TXNDC16: variants seen among roughly 807,000 people sequenced by gnomAD.
The protein encoded by TXNDC16 is thioredoxin domain containing 16.
Under a neutral mutation model 85.6 loss-of-function variants are expected in TXNDC16, and 74 were observed. The observed-to-expected ratio is 0.86, with a 90% CI of 0.72 to 1.05. TXNDC16 has a LOEUF of 1.05. Ranked by LOEUF, TXNDC16 falls within the 50% of genes least tolerant of loss-of-function variation. TXNDC16 has a pLI of 0.00. For synonymous variants in TXNDC16, 335 were observed against 326.5 expected (o/e 1.03, Z -0.28); for missense variants, 959 against 947.0 (o/e 1.01, Z -0.17).
intron 9 of TXNDC16, among the ~76,000 whole-genome samples, chr14:52,491,773 C>A (rs553100982): frequency 2.0e-5 from 3 of 152,072 alleles, no homozygotes; most frequent in African/African-American, 7.2e-5. Context: ...CCCTCCAGAA[C>A]TCCCAGGAAA....
intron 6 of TXNDC16, among the ~76,000 whole-genome samples, chr14:52,530,615 ATG>A (rs201877909): frequency 0.057 from 3,007 of 52,960 alleles, 141 homozygotes; most frequent in East Asian, 0.13. Flanking sequence ...TAGTATATAT[ATG>A]TGTGTGTATA....
chr14:52,434,897 C>T (rs934561797), intron 20 of TXNDC16, among the ~76,000 whole-genome samples: 1 of 152,172 alleles, frequency 6.6e-6, no homozygotes, highest in East Asian at 1.9e-4. Flanking sequence ...AAAGAATGAG[C>T]TGGCAAAGAT....
Position 52,529,827 on chromosome 14 carries a change from ATTAT to A in TXNDC16, c.392+6888_392+6891del, listed in dbSNP as rs2037448341. Among the ~76,000 whole-genome samples the A allele has an allele frequency of 7.1e-5, 8 of 112,398 alleles. No individual in the cohort carries two copies. In the South Asian group the frequency reaches 2.0e-3, roughly 28 times the overall value. The allele number at this position is 112,398 out of a possible 152,430, so 73.7% of individuals were successfully genotyped here. On this transcript the variant is annotated intron_variant, in intron 6 of 20. Transcript: ENST00000281741. ...ATATGACACCTATTATATATTATGT[ATTAT>A]TACTATATATAATAAATACCTATTA...
At chr14:52,484,639 G>T (rs1442747990) in intron 12 of TXNDC16, among the ~76,000 whole-genome samples, 5 of 152,148 alleles carry the variant, frequency 3.3e-5, no homozygotes, top group Non-Finnish European at 5.9e-5. Flanking sequence ...CAGCACTTTG[G>T]GGGGCCGAGG....
intron 6 of TXNDC16, among the ~76,000 whole-genome samples, chr14:52,524,294 A>T (rs1185443215): frequency 6.6e-6 from 1 of 152,246 alleles, no homozygotes; most frequent in Non-Finnish European, 1.5e-5. Flanking sequence ...AGTTAAAAAT[A>T]ATTCTTCTAA....
intron 6 of TXNDC16, among the ~76,000 whole-genome samples, chr14:52,532,439 A>G (rs1487680028): frequency 6.6e-6 from 1 of 151,954 alleles, no homozygotes; most frequent in Non-Finnish European, 1.5e-5. Context: ...AACAGTTCAA[A>G]TCTATTTTTT....
chr14:52,511,542 G>A (rs1807979230), intron 8 of TXNDC16, 152 bp from the exon 9 acceptor site: 1 of 479,746 alleles, frequency 2.1e-6, no homozygotes, highest in Non-Finnish European at 3.6e-6. Flanking sequence ...AAATGAACTT[G>A]GGCAACAAAG....
At chr14:52,432,612 T>C in intron 20 of TXNDC16, 25 bp from the exon 21 acceptor site, 16 of 1,574,782 alleles carry the variant, frequency 1.0e-5, no homozygotes, top group Non-Finnish European at 1.4e-5. Flanking sequence ...CAATCAAAGG[T>C]TAAAGATTAA....
chr14:52,499,417 C>A (rs2036604773), intron 9 of TXNDC16, among the ~76,000 whole-genome samples: 1 of 151,878 alleles, frequency 6.6e-6, no homozygotes, highest in South Asian at 2.1e-4. Context: ...ATACAGAGAA[C>A]CCCCATAATT....
At chr14:52,446,355 G>A (rs56660161) in intron 18 of TXNDC16, among the ~76,000 whole-genome samples, 3,122 of 152,272 alleles carry the variant, frequency 0.021, 106 homozygotes, top group African/African-American at 0.07. Context: ...GTGCATGCTC[G>A]CCCACAGTGG....
chr14:52,532,017 T>A (rs1399552270), intron 6 of TXNDC16, among the ~76,000 whole-genome samples: 2 of 152,034 alleles, frequency 1.3e-5, no homozygotes, highest in African/African-American at 4.8e-5. Flanking sequence ...GAAAAATGGG[T>A]GAATTCATTT....
chr14:52,434,063 C>T (rs894370818), intron 20 of TXNDC16, among the ~76,000 whole-genome samples: 1 of 152,062 alleles, frequency 6.6e-6, no homozygotes, highest in African/African-American at 2.4e-5. Context: ...GTGGCACGTG[C>T]CTGTAGTTCC....
In TXNDC16 at chr14:52,437,079, A is replaced by AT. The variant is rs558709941; in HGVS notation, c.2194+2124dup. On this transcript the variant is annotated intron_variant, in intron 20 of 20. Coordinates refer to ENST00000281741, the MANE Select transcript of TXNDC16 (RefSeq NM_020784.3). ...CTATTGTTGCCACAACTATGTATAA[A>AT]TGGTTAAGACTCAAATATAAATTAA... is the stretch of plus-strand genomic sequence containing the variant. Among the ~76,000 whole-genome samples the AT allele has an allele frequency of 9.4e-3, 1,430 of 152,246 alleles. 16 individuals are homozygous for AT. Among genetic ancestry groups the AT allele is most frequent in the Middle Eastern group, 0.027 (8 of 294 alleles).
intron 20 of TXNDC16, among the ~76,000 whole-genome samples, chr14:52,438,000 G>A (rs2035071166): frequency 6.6e-6 from 1 of 152,128 alleles, no homozygotes; most frequent in Admixed American, 6.5e-5. Context: ...GCTGCAGATG[G>A]GGTATAAATA....
chr14:52,493,216 T>TATATATATATATATATATATATACACAC, intron 9 of TXNDC16, among the ~76,000 whole-genome samples: 20 of 115,970 alleles, frequency 1.7e-4, no homozygotes, highest in Admixed American at 6.6e-4. Context: ...TATATATATA[T>TATATATATATATATATATATATACACAC]ACACACACAC....
chr14:52,524,201 T>C (rs929855921), intron 6 of TXNDC16, among the ~76,000 whole-genome samples: 4 of 152,220 alleles, frequency 2.6e-5, no homozygotes, highest in Non-Finnish European at 5.9e-5. Context: ...CCCCCGAGGT[T>C]CTACAGTAAC....
chr14:52,546,240 A>C (rs1481455131), intron 1 of TXNDC16, among the ~76,000 whole-genome samples: 1 of 152,164 alleles, frequency 6.6e-6, no homozygotes, highest in Non-Finnish European at 1.5e-5. Context: ...ATGCCACTGC[A>C]CTCCAGCCTG....
intron 4 of TXNDC16, among the ~76,000 whole-genome samples, 191 bp from the exon 5 acceptor site, chr14:52,537,863 A>G (rs1292140808): frequency 6.6e-6 from 1 of 152,204 alleles, no homozygotes; most frequent in African/African-American, 2.4e-5. Context: ...GAAAGGCACT[A>G]TTTCTGAATT....
In TXNDC16 at chr14:52,511,394, C is replaced by A. The variant is rs755129591; in HGVS notation, c.606-4G>T. On this transcript the variant is annotated splice_region_variant and splice_polypyrimidine_tract_variant and intron_variant, in intron 8 of 20. Coordinates refer to ENST00000281741, the MANE Select transcript of TXNDC16 (RefSeq NM_020784.3). ...TGCATATTCCACATCCTCAGAGCTA[C>A]AAATTAAAAATTAATTAACTTAATG... 6.4e-7 allele frequency: 1 copy of A among 1,553,114 alleles called. No homozygotes were observed. Among genetic ancestry groups the A allele is most frequent in the Non-Finnish European group, 8.8e-7 (1 of 1,141,882 alleles).
Sources: gnomAD v4.1 joint callset for allele counts (sites outside exome capture counted in the v4.1 genomes callset) on GRCh38, gnomAD v4.1.1 for gene constraint, MANE v1.5 for transcripts, NCBI Gene and HGNC (gene_info 2026-07-23, HGNC 2026-07-21) for gene names.